GRIK2: variants seen among roughly 807,000 people sequenced by gnomAD.
GRIK2 encodes the protein glutamate receptor ionotropic, kainate 2.
Under a neutral mutation model 100.3 loss-of-function variants are expected in GRIK2, and 32 were observed. The ratio of observed to expected loss-of-function variants is 0.32; its 90% CI spans 0.24 to 0.43. The LOEUF (loss-of-function observed/expected upper bound fraction) is 0.43. Ranked by LOEUF, GRIK2 falls within the 20% of genes least tolerant of loss-of-function variation. GRIK2 has a pLI of 1.00. For synonymous variants in GRIK2, 417 were observed against 389.4 expected (o/e 1.07, Z -0.83); for missense variants, 843 against 1,114.9 (o/e 0.76, Z 3.47).
In GRIK2 at chr6:101,657,076, G is replaced by A. The variant is rs188800565; in HGVS notation, c.542-19547G>A. On this transcript the variant is annotated intron_variant, in intron 4 of 16. Coordinates refer to ENST00000369134, the MANE Select transcript of GRIK2 (RefSeq NM_021956.5). The stretch of plus-strand genomic sequence containing the variant: ...AATATTTCTTCTTCATAGAGTTCAT[G>A]TGGATAAAATACACACTATCAATAA... Among the ~76,000 whole-genome samples, 122 of 152,304 alleles carry A rather than the reference G, an allele frequency of 8.0e-4. 1 individual carries two copies. Among genetic ancestry groups the A allele is most frequent in the Admixed American group, 7.9e-3 (120 of 15,286 alleles).
intron 2 of GRIK2, among the ~76,000 whole-genome samples, chr6:101,440,822 C>A (rs1421979207): frequency 6.6e-6 from 1 of 151,876 alleles, no homozygotes; most frequent in African/African-American, 2.4e-5. Flanking sequence ...CCTAAATACG[C>A]AAGGGCCTTT....
chr6:101,829,152 G>GA (rs1484464641), intron 10 of GRIK2, among the ~76,000 whole-genome samples: 5 of 151,736 alleles, frequency 3.3e-5, no homozygotes, highest in East Asian at 1.9e-4. Context: ...ACAGAATTAA[G>GA]AAAAAAACAT....
In GRIK2 at chr6:101,906,108, G is replaced by A. The variant is rs1281630729; in HGVS notation, c.1748+16245G>A. The stretch of plus-strand genomic sequence containing the variant: ...GTTTCAAAAATTCCACTCATTGAGA[G>A]AAATTAATGATTAATGTTCTACTTC... On this transcript the variant is annotated intron_variant, in intron 12 of 16. Coordinates refer to ENST00000369134, the MANE Select transcript of GRIK2 (RefSeq NM_021956.5). 2.0e-5 allele frequency among the ~76,000 whole-genome samples: 3 copies of A among 151,518 alleles called. No homozygotes were observed. The East Asian group carries it at 5.8e-4, about 29-fold the overall frequency.
At chr6:101,580,273 G>C (rs955266174) in intron 2 of GRIK2, among the ~76,000 whole-genome samples, 7 of 152,086 alleles carry the variant, frequency 4.6e-5, no homozygotes, top group African/African-American at 1.7e-4. Flanking sequence ...TCTTTTGTTG[G>C]TTGGTTTTTT....
At chr6:101,607,730 A>C (rs2128312136) in intron 2 of GRIK2, among the ~76,000 whole-genome samples, 1 of 152,068 alleles carries the variant, frequency 6.6e-6, no homozygotes, top group East Asian at 2.0e-4. Flanking sequence ...TTTGGTATGC[A>C]ATCAGCATCA....
chr6:101,502,613 A>G (rs927765463), intron 2 of GRIK2, among the ~76,000 whole-genome samples: 1 of 152,144 alleles, frequency 6.6e-6, no homozygotes, highest in African/African-American at 2.4e-5. Flanking sequence ...CCTGTGTGTT[A>G]TCATAATTAC....
chr6:101,454,466 CAG>C lies in GRIK2; in HGVS notation c.115+55075_115+55076del, dbSNP rs1298308604. Among the ~76,000 whole-genome samples the C allele has an allele frequency of 5.3e-5, 8 of 152,222 alleles. No homozygotes were observed. In the East Asian group the frequency reaches 1.4e-3, roughly 26 times the overall value. ...AGACAAACATGCTAGACCTTCCCGTCAGGGGAAGAACCCATTAAGCCAGTTCA... is the reference window on the plus strand; with the variant it reads ...AGACAAACATGCTAGACCTTCCCGTCGGGAAGAACCCATTAAGCCAGTTCA... On this transcript the variant is annotated intron_variant, in intron 2 of 16. Coordinates refer to ENST00000369134, the MANE Select transcript of GRIK2 (RefSeq NM_021956.5).
At chr6:101,953,403 C>G (rs1791721471) in intron 14 of GRIK2, among the ~76,000 whole-genome samples, 1 of 152,144 alleles carries the variant, frequency 6.6e-6, no homozygotes, top group Admixed American at 6.5e-5. Flanking sequence ...GCTCCAGTTT[C>G]TTCACATCCT....
intron 11 of GRIK2, among the ~76,000 whole-genome samples, chr6:101,864,241 G>A (rs918875655): frequency 6.6e-6 from 1 of 152,074 alleles, no homozygotes; most frequent in African/African-American, 2.4e-5. Flanking sequence ...ACATCAGTGA[G>A]ACAGCAGAGT....
Position 101,969,950 on chromosome 6 carries a change from G to A in GRIK2, c.2085+41318G>A, listed in dbSNP as rs564080999. On this transcript the variant is annotated intron_variant, in intron 14 of 16. Coordinates refer to ENST00000369134, the MANE Select transcript of GRIK2 (RefSeq NM_021956.5). ...GGCTTGGAGAGTGTGTTCTGCATGTGTAGCTCTGTCTCTTTTTCCTATAAT... is the reference window on the plus strand; with the variant it reads ...GGCTTGGAGAGTGTGTTCTGCATGTATAGCTCTGTCTCTTTTTCCTATAAT... Among the ~76,000 whole-genome samples the A allele has an allele frequency of 8.6e-5, 13 of 152,046 alleles. No individual in the cohort carries two copies. The East Asian group carries it at 2.5e-3, about 30-fold the overall frequency.
chr6:102,057,608 G>A (rs115383963), intron 16 of GRIK2, among the ~76,000 whole-genome samples: 2,676 of 151,962 alleles, frequency 0.018, 81 homozygotes, highest in African/African-American at 0.061. Flanking sequence ...TATTACATGA[G>A]CATTATAGTC....
chr6:101,858,542 A>G (rs1470524127), intron 10 of GRIK2, among the ~76,000 whole-genome samples: 3 of 147,494 alleles, frequency 2.0e-5, no homozygotes, highest in Non-Finnish European at 3.0e-5. Context: ...GCCCGCCACT[A>G]CGCCCAGCTA....
chr6:101,904,608 G>A (rs1270940284), intron 12 of GRIK2, among the ~76,000 whole-genome samples: 1 of 151,338 alleles, frequency 6.6e-6, no homozygotes. Context: ...TTTTCTAAAT[G>A]CATAAAAATT....
rs77995669 is a variant in GRIK2, at chr6:101,799,495, C to T, written c.952-153C>T. 2.8e-3 allele frequency among the ~76,000 whole-genome samples: 428 copies of T among 152,036 alleles called. 4 individuals are homozygous for T. The highest frequency in any genetic ancestry group is 0.016 in the South Asian group (78 of 4,818). On this transcript the variant is annotated intron_variant, in intron 7 of 16. Coordinates refer to ENST00000369134, the MANE Select transcript of GRIK2 (RefSeq NM_021956.5). ...GATCATAATGTCTTGTTTAAGAGAA[C>T]GAGAGCATGTTAGAGATAACGTTTT...
At chr6:101,447,936 T>A (rs1770468895) in intron 2 of GRIK2, among the ~76,000 whole-genome samples, 1 of 151,660 alleles carries the variant, frequency 6.6e-6, no homozygotes, top group Non-Finnish European at 1.5e-5. Flanking sequence ...CAATTACAAA[T>A]GTACTTCTTA....
chr6:101,454,001 C>T lies in GRIK2; in HGVS notation c.115+54609C>T, dbSNP rs544173631. 2.0e-5 allele frequency among the ~76,000 whole-genome samples: 3 copies of T among 152,034 alleles called. No homozygotes were observed. The South Asian group carries it at 6.2e-4, about 32-fold the overall frequency. ...CCCAGAAAAGCCCAACACCAATAACCGTTACACGAAACAAAGGAAGTAAAG... is the reference window on the plus strand; with the variant it reads ...CCCAGAAAAGCCCAACACCAATAACTGTTACACGAAACAAAGGAAGTAAAG... On this transcript the variant is annotated intron_variant, in intron 2 of 16. Transcript: ENST00000369134.
intron 11 of GRIK2, among the ~76,000 whole-genome samples, chr6:101,876,302 T>C (rs2128451089): frequency 6.6e-6 from 1 of 151,918 alleles, no homozygotes; most frequent in East Asian, 1.9e-4. Flanking sequence ...TTTCTTACCT[T>C]AGGACCTAAA....
At chr6:101,419,669 A>G (rs1776321627) in intron 2 of GRIK2, among the ~76,000 whole-genome samples, 1 of 152,220 alleles carries the variant, frequency 6.6e-6, no homozygotes, top group Non-Finnish European at 1.5e-5. Context: ...TCCCCTTCAC[A>G]GAGGAAGAAA....
intron 2 of GRIK2, among the ~76,000 whole-genome samples, chr6:101,500,125 G>T (rs1250496928): frequency 2.0e-5 from 3 of 151,954 alleles, no homozygotes; most frequent in African/African-American, 7.2e-5. Context: ...TTTACATAAT[G>T]GTAAATTCTG....
Sources: allele counts gnomAD v4.1 joint callset (sites outside exome capture counted in the v4.1 genomes callset), GRCh38; gene constraint gnomAD v4.1.1; transcripts MANE v1.5; gene names NCBI Gene and HGNC (gene_info 2026-07-23, HGNC 2026-07-21).